NHSL2: variants seen among roughly 807,000 people sequenced by gnomAD.
NHSL2 encodes NHS-like protein 2.
A neutral mutation model predicts 53.4 loss-of-function variants in NHSL2; 27 were observed. The observed-to-expected ratio is 0.51, with a 90% CI of 0.37 to 0.70. The LOEUF (loss-of-function observed/expected upper bound fraction) is 0.70. Among genes scored for constraint, NHSL2 ranks in the 30% least tolerant of loss-of-function variants. The pLI is 0.00. For synonymous variants in NHSL2, 408 were observed against 404.1 expected, an observed-to-expected ratio of 1.01 and a Z score of -0.12; for missense variants, 892 against 980.1, an observed-to-expected ratio of 0.91 and a Z score of 1.20.
chrX:71,996,335 G>C (rs2042050246), intron 1 of NHSL2, among the ~76,000 whole-genome samples: 1 of 112,561 alleles, frequency 8.9e-6, no homozygotes, highest in Non-Finnish European at 1.9e-5. Flanking sequence ...AATAGTGATG[G>C]GGCGGTGGCT....
chrX:72,142,520 A>C (rs2042425955), intron 7 of NHSL2, among the ~76,000 whole-genome samples, 156 bp downstream of exon 7: 1 of 111,785 alleles, frequency 8.9e-6, no homozygotes, highest in African/African-American at 3.3e-5. Context: ...TTAGAATTGC[A>C]CCTGGAGGCT....
rs762719121 is a variant in NHSL2 at position 72,139,945 on chromosome X, C to T, written c.2397C>T (p.His799=). ...GAAGCAAAACTAAGGTGAGTCGGCA[C>T]CACTCAGAGACAAATTTTGGCGTCA... ...SIRSKTKVSR[H]HSETNFGVKL... Residue 799 remains histidine (H), a synonymous_variant, in exon 6 of 8, where the codon CAC becomes CAT. Coordinates refer to ENST00000633930, the MANE Select transcript of NHSL2 (RefSeq NM_001013627.3). 1 of 1,209,780 alleles carries T rather than the reference C, an allele frequency of 8.3e-7. No homozygotes were observed. Among genetic ancestry groups the T allele is most frequent in the African/African-American group, 1.7e-5 (1 of 57,765 alleles).
chrX:72,011,592 C>A (rs941630002), intron 1 of NHSL2, among the ~76,000 whole-genome samples: 7 of 111,313 alleles, frequency 6.3e-5, no homozygotes, highest in Non-Finnish European at 9.4e-5. Flanking sequence ...ATTGCTTCAA[C>A]CTGGGAGGTG....
At chrX:71,946,562 C>T (rs1186434189) in intron 1 of NHSL2, among the ~76,000 whole-genome samples, 2 of 111,590 alleles carry the variant, frequency 1.8e-5, no homozygotes, top group East Asian at 2.8e-4. Flanking sequence ...AGGGAGCGGT[C>T]GTCTGGCTCC....
chrX:72,075,901 A>AGTGTGTGTGTGTGTGTGTGTGT (rs10637913), intron 1 of NHSL2, among the ~76,000 whole-genome samples: 1 of 93,395 alleles, frequency 1.1e-5, no homozygotes, highest in African/African-American at 3.9e-5. Flanking sequence ...GGGGGAGCAC[A>AGTGTGTGTGTGTGTGTGTGTGT]GTGTGTGTGT....
chrX:71,937,974 T>C (rs2041747091), intron 1 of NHSL2, among the ~76,000 whole-genome samples: 1 of 111,929 alleles, frequency 8.9e-6, no homozygotes, highest in Non-Finnish European at 1.9e-5. Flanking sequence ...ATAGAAATAT[T>C]CCAGCTTGGA....
rs2042491676 is a variant in NHSL2, at chrX:72,149,255, G to A, written c.*5681G>A. On this transcript the variant is annotated 3_prime_UTR_variant, in exon 8 of 8. Transcript: ENST00000633930. ...TCACAAATGGAAAAAAGGGAAAGGT[G>A]TTAAGTTTGTTTGGTATTGCCAGCT... The A allele has an allele frequency of 2.7e-5, 3 of 110,985 alleles. No individual in the cohort carries two copies. Among genetic ancestry groups the A allele is most frequent in the African/African-American group, 9.8e-5 (3 of 30,466 alleles). The allele number at this position is 110,985 out of a possible 1,213,427, so 9.1% of individuals were successfully genotyped here.
In NHSL2 at chrX:72,132,247, AG is replaced by A. The variant is rs1166176820; in HGVS notation, c.436+19del. The A allele has an allele frequency of 1.8e-6, 2 of 1,141,658 alleles. No individual in the cohort carries two copies. The highest frequency in any genetic ancestry group is 6.8e-5 in the East Asian group (2 of 29,232). The allele number at this position is 1,141,658 out of a possible 1,213,427, so 94.1% of individuals were successfully genotyped here. On this transcript the variant is annotated intron_variant, in intron 2 of 7. Transcript: ENST00000633930. ...AGCCTGTTGCAAGGTACCGAGAGGG[AG>A]GGGGGCTGCGGCCGGAGCCCAGAAG...
At chrX:72,013,594 G>GA (rs202237211) in intron 1 of NHSL2, among the ~76,000 whole-genome samples, 1,670 of 107,699 alleles carry the variant, frequency 0.016, 25 homozygotes, top group African/African-American at 0.053. Context: ...GTTGAATTAA[G>GA]GTGGTGAGAG....
At chrX:72,104,293 A>G (rs2042020899) in intron 1 of NHSL2, among the ~76,000 whole-genome samples, 1 of 112,804 alleles carries the variant, frequency 8.9e-6, no homozygotes, top group South Asian at 3.6e-4. Context: ...GCATATTACT[A>G]TGTTGCAAAT....
chrX:72,045,661 G>A (rs1488268401), intron 1 of NHSL2, among the ~76,000 whole-genome samples: 2 of 112,116 alleles, frequency 1.8e-5, no homozygotes, highest in African/African-American at 6.5e-5. Flanking sequence ...TCCAGAGCAG[G>A]GCCAGTTGAG....
Position 72,045,814 on chromosome X carries a change from A to G in NHSL2, c.281-86265A>G, listed in dbSNP as rs139757827. On this transcript the variant is annotated intron_variant, in intron 1 of 7. Coordinates refer to ENST00000633930, the MANE Select transcript of NHSL2 (RefSeq NM_001013627.3). ...CGTATTGTGTACAGACCGCATACCT[A>G]TGGCCCGCACAATTTGCATTTGTGC... 4.9e-4 allele frequency among the ~76,000 whole-genome samples: 55 copies of G among 112,204 alleles called. No homozygotes were observed. The East Asian group carries it at 0.011, about 23-fold the overall frequency.
At chrX:72,006,910 A>G (rs777986040) in intron 1 of NHSL2, among the ~76,000 whole-genome samples, 1 of 112,574 alleles carries the variant, frequency 8.9e-6, no homozygotes, top group Admixed American at 9.4e-5. Flanking sequence ...GGCAGTGACC[A>G]TGACTCGTTT....
intron 1 of NHSL2, among the ~76,000 whole-genome samples, chrX:71,934,466 G>A (rs184920476): frequency 5.3e-5 from 6 of 112,455 alleles, no homozygotes; most frequent in South Asian, 3.7e-4. Flanking sequence ...GGAACTGTCC[G>A]ATGTGGATTG....
At chrX:72,105,659 A>G (rs1177257354) in intron 1 of NHSL2, among the ~76,000 whole-genome samples, 3 of 111,495 alleles carry the variant, frequency 2.7e-5, no homozygotes, top group Non-Finnish European at 5.7e-5. Context: ...GGTGACCTGC[A>G]TCTCAAAGAG....
intron 1 of NHSL2, chrX:72,131,874 G>A (rs1393632770): frequency 8.9e-6 from 3 of 337,146 alleles, no homozygotes; most frequent in African/African-American, 2.8e-5. Context: ...GGGCAGGGGC[G>A]AGCGGAGCGG....
chrX:72,106,819 T>C (rs2042045041), intron 1 of NHSL2, among the ~76,000 whole-genome samples: 2 of 111,355 alleles, frequency 1.8e-5, no homozygotes, highest in Non-Finnish European at 3.8e-5. Flanking sequence ...TGCAGGGACA[T>C]GGATGAGGCT....
rs141458576 is a variant in NHSL2, at chrX:71,966,234, A to G, written c.280+54867A>G. Among the ~76,000 whole-genome samples the G allele has an allele frequency of 8.7e-3, 976 of 112,469 alleles. 7 individuals carry two copies. The highest frequency in any genetic ancestry group is 0.032 in the Middle Eastern group (7 of 218). On this transcript the variant is annotated intron_variant, in intron 1 of 7. Coordinates refer to ENST00000633930, the MANE Select transcript of NHSL2 (RefSeq NM_001013627.3). ...ATTGATTCTTTCAGATTTTCTGCAT[A>G]GATGATCATGTCATCTGTGAACACA... is the stretch of plus-strand genomic sequence containing the variant.
intron 1 of NHSL2, among the ~76,000 whole-genome samples, chrX:71,990,482 G>T (rs2042022642): frequency 9.0e-6 from 1 of 110,532 alleles, no homozygotes; most frequent in South Asian, 3.9e-4. Context: ...CCATCTCCTT[G>T]CCTCATAACA....
Sources: allele counts gnomAD v4.1 joint callset (sites outside exome capture counted in the v4.1 genomes callset), GRCh38; gene constraint gnomAD v4.1.1; transcripts MANE v1.5; gene names NCBI Gene and HGNC (gene_info 2026-07-23, HGNC 2026-07-21).